INVS: variants seen among roughly 807,000 people sequenced by gnomAD.
INVS encodes the protein inversion of embryo turning homolog.
In INVS, 86 loss-of-function variants were observed where a neutral mutation model predicts 108.8. The observed-to-expected ratio is 0.79, with a 90% CI of 0.66 to 0.95. INVS has a LOEUF of 0.95. Among genes scored for constraint, INVS ranks in the 40% least tolerant of loss-of-function variants. The pLI is 0.00. For synonymous variants in INVS, 455 were observed against 473.5 expected (o/e 0.96, Z 0.51); for missense variants, 1,169 against 1,297.4 (o/e 0.90, Z 1.52).
intron 3 of INVS, among the ~76,000 whole-genome samples, chr9:100,139,309 A>G (rs1828343623): frequency 6.6e-6 from 1 of 152,032 alleles, no homozygotes; most frequent in Non-Finnish European, 1.5e-5. Context: ...TACTCCTTTG[A>G]TAGTTCATTG....
intron 2 of INVS, among the ~76,000 whole-genome samples, chr9:100,111,655 A>C (rs896091634): frequency 6.6e-6 from 1 of 152,264 alleles, no homozygotes; most frequent in Admixed American, 6.5e-5. Flanking sequence ...ATTAGTTTAC[A>C]TCATAAGCTC....
intron 3 of INVS, among the ~76,000 whole-genome samples, chr9:100,188,838 G>T (rs778669286): frequency 1.1e-4 from 17 of 151,774 alleles, no homozygotes; most frequent in Non-Finnish European, 2.1e-4. Context: ...TGTTGTTGTT[G>T]TTGGCAATTT....
chr9:100,105,325 G>A (rs1230384421), intron 2 of INVS, among the ~76,000 whole-genome samples: 2 of 152,098 alleles, frequency 1.3e-5, no homozygotes, highest in African/African-American at 2.4e-5. Flanking sequence ...TGTTCCTTCC[G>A]ACTTTGTTTT....
intron 2 of INVS, among the ~76,000 whole-genome samples, chr9:100,119,179 T>C (rs1383477836): frequency 6.6e-6 from 1 of 152,268 alleles, no homozygotes; most frequent in Non-Finnish European, 1.5e-5. Context: ...TTTGTTCTTT[T>C]TTTCAAAACC....
chr9:100,228,913 A>T (rs529801462), intron 4 of INVS, among the ~76,000 whole-genome samples: 10 of 152,370 alleles, frequency 6.6e-5, no homozygotes, highest in Admixed American at 4.6e-4. Context: ...GATAGTGTCA[A>T]ACCCAATTCC....
Position 100,240,048 on chromosome 9 carries a change from C to T in INVS, c.616-12C>T. The stretch of plus-strand genomic sequence containing the variant: ...CCATGTATGTCTGAAGTCTCTGGTT[C>T]CTTCAAATCAGGATGCTGCTCCAAC... On this transcript the variant is annotated splice_polypyrimidine_tract_variant and intron_variant, in intron 5 of 16. Transcript: ENST00000262457. 6.2e-7 allele frequency: 1 copy of T among 1,610,828 alleles called. No individual in the cohort carries two copies. Among genetic ancestry groups the T allele is most frequent in the Admixed American group, 1.7e-5 (1 of 60,002 alleles).
chr9:100,200,336 T>A (rs1830499458), intron 3 of INVS, among the ~76,000 whole-genome samples: 1 of 152,244 alleles, frequency 6.6e-6, no homozygotes, highest in South Asian at 2.1e-4. Context: ...TTTTTCTGTT[T>A]GTTTGCATAT....
In INVS at chr9:100,301,957, AAATGCAC is replaced by A. The variant is rs1282362329; in HGVS notation, c.*1293_*1299del. The A allele has an allele frequency of 6.6e-5, 24 of 363,378 alleles. No individual in the cohort carries two copies. In the East Asian group the frequency reaches 7.8e-4, roughly 12 times the overall value. 22.5% of individuals were successfully genotyped at this position (363,378 alleles called of 1,614,324 possible). On this transcript the variant is annotated 3_prime_UTR_variant, in exon 17 of 17. Transcript: ENST00000262457. The stretch of plus-strand genomic sequence containing the variant: ...ATTTTGTAAATATTTAGCTCCTATG[AAATGCAC>A]AATGCACAACCGCCTATGACCATGT...
intron 3 of INVS, among the ~76,000 whole-genome samples, chr9:100,134,302 T>G (rs1828153417): frequency 6.6e-6 from 1 of 152,214 alleles, no homozygotes; most frequent in Admixed American, 6.5e-5. Flanking sequence ...AGTATTCCAT[T>G]GTGTATATCT....
At chr9:100,191,842 T>C (rs956578852) in intron 3 of INVS, among the ~76,000 whole-genome samples, 7 of 152,226 alleles carry the variant, frequency 4.6e-5, no homozygotes, top group African/African-American at 1.7e-4. Flanking sequence ...TATTTTTCAT[T>C]CAACTGTGTT....
At chr9:100,215,962 G>A (rs1015041815) in intron 3 of INVS, among the ~76,000 whole-genome samples, 1 of 152,168 alleles carries the variant, frequency 6.6e-6, no homozygotes, top group East Asian at 1.9e-4. Flanking sequence ...TTCTATTGTG[G>A]TGGGTTCATT....
intron 1 of INVS, among the ~76,000 whole-genome samples, chr9:100,103,646 G>A (rs1030652199): frequency 2.2e-5 from 3 of 137,928 alleles, no homozygotes; most frequent in African/African-American, 2.6e-5. Flanking sequence ...AAGAAGGGAG[G>A]AAAGCAGGGG....
chr9:100,206,522 A>T (rs1256989659), intron 3 of INVS, among the ~76,000 whole-genome samples: 1 of 152,122 alleles, frequency 6.6e-6, no homozygotes, highest in African/African-American at 2.4e-5. Flanking sequence ...GATATATGGG[A>T]ATGTGTAGAT....
At chr9:100,161,670 C>T (rs550715605) in intron 3 of INVS, among the ~76,000 whole-genome samples, 1 of 152,084 alleles carries the variant, frequency 6.6e-6, no homozygotes, top group Non-Finnish European at 1.5e-5. Flanking sequence ...CATCAATTTT[C>T]TAGACCTTGG....
At chr9:100,213,178 G>A (rs942601711) in intron 3 of INVS, among the ~76,000 whole-genome samples, 2 of 129,516 alleles carry the variant, frequency 1.5e-5, no homozygotes, top group Admixed American at 8.3e-5. Context: ...AGACATTGGC[G>A]TTAGAATTTC....
At chr9:100,131,441 G>A (rs937043978) in intron 3 of INVS, among the ~76,000 whole-genome samples, 1 of 152,040 alleles carries the variant, frequency 6.6e-6, no homozygotes, top group Non-Finnish European at 1.5e-5. Context: ...TGAAGAAATG[G>A]TACCCATGAG....
At chr9:100,294,622 T>C (rs1360263516) in intron 14 of INVS, among the ~76,000 whole-genome samples, 1 of 152,202 alleles carries the variant, frequency 6.6e-6, no homozygotes, top group Non-Finnish European at 1.5e-5. Flanking sequence ...CTTGAACCTC[T>C]GGCTGACTCA....
intron 3 of INVS, among the ~76,000 whole-genome samples, chr9:100,182,674 C>G (rs995937399): frequency 2.6e-5 from 4 of 152,152 alleles, no homozygotes; most frequent in Non-Finnish European, 4.4e-5. Context: ...TGCTTTTACA[C>G]TATTGGTGGA....
At chr9:100,186,249 T>C (rs1398149443) in intron 3 of INVS, among the ~76,000 whole-genome samples, 1 of 152,118 alleles carries the variant, frequency 6.6e-6, no homozygotes, top group Non-Finnish European at 1.5e-5. Flanking sequence ...TCCCGGGTTT[T>C]AAACAATTCT....
Sources: gnomAD v4.1 joint callset for allele counts (sites outside exome capture counted in the v4.1 genomes callset) on GRCh38, gnomAD v4.1.1 for gene constraint, MANE v1.5 for transcripts, NCBI Gene and HGNC (gene_info 2026-07-23, HGNC 2026-07-21) for gene names.